Variants in IFT57 observed in about 807,000 individuals in gnomAD.
The protein encoded by IFT57 is intraflagellar transport 57.
In IFT57, 59 loss-of-function variants were observed where a neutral mutation model predicts 56.8. The observed-to-expected ratio is 1.04, with a 90% CI of 0.84 to 1.29. The LOEUF (loss-of-function observed/expected upper bound fraction) is 1.29. Among genes scored for constraint, IFT57 ranks in the 50% most tolerant of loss-of-function variants. The pLI is 0.00. For synonymous variants in IFT57, 209 were observed against 186.1 expected, an observed-to-expected ratio of 1.12 and a Z score of -1.00; for missense variants, 470 against 522.1, an observed-to-expected ratio of 0.90 and a Z score of 0.97.
chr3:108,222,142 G>A lies in IFT57; in HGVS notation c.181C>T (p.Leu61Phe). 1 of 1,612,152 alleles carries A rather than the reference G, an allele frequency of 6.2e-7. No individual in the cohort carries two copies. The highest frequency in any genetic ancestry group is 8.5e-7 in the Non-Finnish European group (1 of 1,179,210). ...LKLLRYEEEF[L>F]RKSNLKAPSR... The stretch of plus-strand genomic sequence containing the variant: ...GGGGCCTTCAGGTTGCTCTTCCGGA[G>A]GAACTCCTCCTCGTAGCGGAGCAGC... The change falls in exon 1 of 11, where the codon CTC becomes TTC. Residue 61 changes from leucine (L) to phenylalanine (F), a missense_variant. Physicochemically the swap from Leu to Phe is conservative, Grantham distance 22. Coordinates refer to ENST00000264538, the MANE Select transcript of IFT57 (RefSeq NM_018010.4).
In IFT57 at chr3:108,219,426, G is replaced by C. The variant is rs760991394; in HGVS notation, c.359C>G (p.Ser120Cys). The C allele has an allele frequency of 5.0e-6, 8 of 1,613,538 alleles. No homozygotes were observed. The Admixed American group carries it at 6.7e-5, about 13-fold the overall frequency. Residue 120 changes from serine (S) to cysteine (C), a missense_variant, in exon 2 of 11, where the codon TCC (serine) becomes TGC (cysteine). By Grantham distance (112) the Ser-to-Cys change is moderately radical. Transcript: ENST00000264538. Reference protein sequence around the residue: ...DPNATISNILSELRSFGRTAD... With the variant: ...DPNATISNILCELRSFGRTAD... ...TACACTTACAAATGACCGAAGCTCG[G>C]ATAGTATGTTAGATATTGTTGCATT...
chr3:108,215,954 C>T (rs1477139372), intron 3 of IFT57, among the ~76,000 whole-genome samples: 2 of 152,124 alleles, frequency 1.3e-5, no homozygotes, highest in Admixed American at 6.6e-5. Context: ...AAACTAGACC[C>T]TTACCTCTAA....
chr3:108,214,105 A>G (rs1033536910), intron 3 of IFT57, 84 bp from the exon 4 acceptor site: 16 of 731,756 alleles, frequency 2.2e-5, no homozygotes, highest in Non-Finnish European at 3.2e-5. Flanking sequence ...CATGTCCTCT[A>G]TGCCAGGTTT....
intron 5 of IFT57, among the ~76,000 whole-genome samples, chr3:108,203,226 T>C (rs1329851943): frequency 2.0e-5 from 3 of 152,222 alleles, no homozygotes; most frequent in African/African-American, 7.2e-5. Flanking sequence ...CAGGCCCGTA[T>C]CACAGCATGA....
At chr3:108,173,766 CTGTGTGTGTGTG>C (rs59233165) in intron 6 of IFT57, among the ~76,000 whole-genome samples, 9 of 124,688 alleles carry the variant, frequency 7.2e-5, no homozygotes, top group South Asian at 5.5e-4. Flanking sequence ...GTCAGGGACT[CTGTGTGTGTGTG>C]TGTGTGTGTG....
rs59994463 is a variant in IFT57, at chr3:108,173,997, A to AATGTGTGTGTGT, written c.778-6134_778-6133insACACACACACAT. Among the ~76,000 whole-genome samples, 71 of 100,760 alleles carry AATGTGTGTGTGT rather than the reference A, an allele frequency of 7.0e-4. 4 individuals are homozygous for AATGTGTGTGTGT. The highest frequency in any genetic ancestry group is 1.9e-3 in the African/African-American group (56 of 29,328). 66.1% of individuals were successfully genotyped at this position (100,760 alleles called of 152,430 possible). A position where few individuals can be genotyped will look rare whatever the true frequency, so the allele number is the denominator to read the frequency against. ...AAAAATCAGTATTTGCATATATTTG[A>AATGTGTGTGTGT]GTGTGTGTGTGTGTGTGTGTGTGTG... On this transcript the variant is annotated intron_variant, in intron 6 of 10. Coordinates refer to ENST00000264538, the MANE Select transcript of IFT57 (RefSeq NM_018010.4).
rs775672395 is a variant in IFT57 at position 108,162,426 on chromosome 3, T to C, written c.*51A>G. The C allele has an allele frequency of 4.9e-6, 7 of 1,415,106 alleles. No homozygotes were observed. In the South Asian group the frequency reaches 5.4e-5, roughly 11 times the overall value. The allele number at this position is 1,415,106 out of a possible 1,614,324, so 87.7% of individuals were successfully genotyped here. On this transcript the variant is annotated 3_prime_UTR_variant, in exon 11 of 11. Coordinates refer to ENST00000264538, the MANE Select transcript of IFT57 (RefSeq NM_018010.4). ...TTTGAAATCTATGCAACATGAAATA[T>C]AGTTTGATATAAAAAACCCAACTAA...
intron 6 of IFT57, among the ~76,000 whole-genome samples, chr3:108,174,086 C>A (rs1378391821): frequency 6.9e-6 from 1 of 144,536 alleles, no homozygotes; most frequent in Non-Finnish European, 1.5e-5. Context: ...TAAATTTCTT[C>A]TTTACCATTC....
rs79646595 is a variant in IFT57 at position 108,189,556 on chromosome 3, T to C, written c.777+1965A>G. On this transcript the variant is annotated intron_variant, in intron 6 of 10. Coordinates refer to ENST00000264538, the MANE Select transcript of IFT57 (RefSeq NM_018010.4). ...CTCATTCCATAACACTGGGGGCTTATGTACAACCTCCTCCAAGGATGAAAA... is the reference window on the plus strand; with the variant it reads ...CTCATTCCATAACACTGGGGGCTTACGTACAACCTCCTCCAAGGATGAAAA... Among the ~76,000 whole-genome samples the C allele has an allele frequency of 7.6e-3, 1,162 of 152,308 alleles. 17 individuals are homozygous for C. The highest frequency in any genetic ancestry group is 0.024 in the African/African-American group (1,001 of 41,558).
At chr3:108,192,289 C>T (rs1490142231) in intron 5 of IFT57, among the ~76,000 whole-genome samples, 1 of 149,852 alleles carries the variant, frequency 6.7e-6, no homozygotes, top group Non-Finnish European at 1.5e-5. Flanking sequence ...TCACTATTTA[C>T]AAAATTTGTA....
At chr3:108,167,892 T>C (rs578157292) in intron 6 of IFT57, 28 bp from the exon 7 acceptor site, 5 of 1,498,378 alleles carry the variant, frequency 3.3e-6, no homozygotes, top group African/African-American at 1.4e-5. Context: ...ATAGAAATAA[T>C]GTAAAAAATA....
At chr3:108,187,908 T>C (rs2080193422) in intron 6 of IFT57, among the ~76,000 whole-genome samples, 1 of 151,966 alleles carries the variant, frequency 6.6e-6, no homozygotes. Context: ...AGTGAAAGGT[T>C]ATTATTTTGG....
chr3:108,186,778 C>A (rs2080185765), intron 6 of IFT57, among the ~76,000 whole-genome samples: 6 of 152,078 alleles, frequency 3.9e-5, no homozygotes, highest in Admixed American at 3.9e-4. Context: ...CCAACTCCTC[C>A]TCTAGTCCCT....
intron 5 of IFT57, among the ~76,000 whole-genome samples, chr3:108,199,243 A>G (rs552570418): frequency 1.2e-4 from 19 of 152,346 alleles, no homozygotes; most frequent in Non-Finnish European, 2.6e-4. Context: ...TTCAATAAGC[A>G]GGTAAAAATA....
At chr3:108,190,277 G>A (rs2080208068) in intron 6 of IFT57, among the ~76,000 whole-genome samples, 1 of 152,166 alleles carries the variant, frequency 6.6e-6, no homozygotes, top group Non-Finnish European at 1.5e-5. Context: ...GAAATGTAAG[G>A]ACATGAGATT....
intron 6 of IFT57, among the ~76,000 whole-genome samples, chr3:108,191,079 T>C (rs1210902607): frequency 3.3e-5 from 5 of 152,168 alleles, no homozygotes; most frequent in Non-Finnish European, 7.3e-5. Flanking sequence ...ACGTGAGCCA[T>C]GGCGCCTGGC....
intron 6 of IFT57, among the ~76,000 whole-genome samples, chr3:108,179,652 G>A (rs1231968487): frequency 1.3e-5 from 2 of 152,008 alleles, no homozygotes; most frequent in African/African-American, 4.8e-5. Context: ...GTATATGTGT[G>A]AGAGAAAGAG....
chr3:108,198,197 T>C (rs1447248161), intron 5 of IFT57, among the ~76,000 whole-genome samples: 3 of 152,200 alleles, frequency 2.0e-5, no homozygotes, highest in African/African-American at 7.2e-5. Context: ...GAGCACAAGC[T>C]CTAAAACACC....
intron 6 of IFT57, among the ~76,000 whole-genome samples, chr3:108,170,919 T>A (rs1438559847): frequency 2.0e-5 from 3 of 151,984 alleles, no homozygotes; most frequent in Non-Finnish European, 4.4e-5. Context: ...CCCTATTTAA[T>A]ACAAAGTAAT....
Sources: allele counts gnomAD v4.1 joint callset (sites outside exome capture counted in the v4.1 genomes callset), GRCh38; gene constraint gnomAD v4.1.1; transcripts MANE v1.5; gene names NCBI Gene and HGNC (gene_info 2026-07-23, HGNC 2026-07-21).